The following FAM3A variants were observed in gnomAD, a reference collection of about 807,000 sequenced individuals.
FAM3A encodes protein FAM3A.
FAM3A carries 5 observed loss-of-function variants against 18.1 expected under a neutral mutation model. The ratio of observed to expected loss-of-function variants is 0.28; its 90% CI spans 0.14 to 0.58. The LOEUF is 0.58. FAM3A is among the 20% of genes least tolerant of loss of function. The pLI, the probability that FAM3A is intolerant of heterozygous loss-of-function variation, is 0.91. For synonymous variants in FAM3A, 108 were observed against 90.2 expected, an observed-to-expected ratio of 1.20 and a Z score of -1.12; for missense variants, 154 against 216.6, an observed-to-expected ratio of 0.71 and a Z score of 1.81.
Position 154,510,922 on chromosome X carries a change from G to A in FAM3A, c.151+926C>T, listed in dbSNP as rs1460032436. 6 of 106,094 alleles carry A rather than the reference G, an allele frequency of 5.7e-5. No individual in the cohort carries two copies. The East Asian group carries it at 1.5e-3, about 26-fold the overall frequency. The allele number at this position is 106,094 out of a possible 1,213,427, so 8.7% of individuals were successfully genotyped here. A position where few individuals can be genotyped will look rare whatever the true frequency, so the allele number is the denominator to read the frequency against. On this transcript the variant is annotated intron_variant, in intron 3 of 8. Coordinates refer to ENST00000447601, the MANE Select transcript of FAM3A (RefSeq NM_021806.4). ...AGCCTGGGTGACAGAGCAAGACTCC[G>A]TCTCAAAAAAAAAAAAAAACTTGGT...
At chrX:154,507,632 T>G in intron 6 of FAM3A, 142 bp from the exon 7 acceptor site, 4 of 816,330 alleles carry the variant, frequency 4.9e-6, no homozygotes, top group Middle Eastern at 3.7e-4. Context: ...TGTAGGAAGC[T>G]GAGGCATCCC....
chrX:154,507,014 T>C, intron 8 of FAM3A, 108 bp from the exon 9 acceptor site: 1 of 889,235 alleles, frequency 1.1e-6, no homozygotes, highest in Non-Finnish European at 1.6e-6. Context: ...GCCAACGGTG[T>C]ACTCTCAGGG....
At position 154,507,464 on chromosome X, in the gene FAM3A, G is replaced by A. The variant is rs781901020; in HGVS notation, c.412C>T (p.Arg138Trp). 1.1e-5 allele frequency: 13 copies of A among 1,209,241 alleles called. No individual in the cohort carries two copies. The highest frequency in any genetic ancestry group is 2.2e-5 in the Admixed American group (1 of 45,761). Residue 138 changes from arginine (R) to tryptophan (W), a missense_variant, in exon 7 of 9, where the codon CGG becomes TGG. Coordinates refer to ENST00000447601, the MANE Select transcript of FAM3A (RefSeq NM_021806.4). ...GDVNDLLKFIRPLHEGTLVFV... is the reference protein window; with the variant it reads ...GDVNDLLKFIWPLHEGTLVFV... ...ACCAGGGTGCCTTCGTGCAGTGGCC[G>A]AATAAACTTCAACAGGTCGTTGACA...
chrX:154,509,771 T>A (rs1489303791), intron 3 of FAM3A: 1 of 111,895 alleles, frequency 8.9e-6, no homozygotes, highest in East Asian at 2.8e-4. Context: ...GTGGCATTCA[T>A]CCATTCATGA....
rs147214885 is a variant in FAM3A at position 154,511,785 on chromosome X, C to T, written c.151+63G>A. The T allele has an allele frequency of 2.4e-5, 26 of 1,101,042 alleles. No individual in the cohort carries two copies. In the East Asian group the frequency reaches 5.4e-4, roughly 23 times the overall value. The allele number at this position is 1,101,042 out of a possible 1,213,427, so 90.7% of individuals were successfully genotyped here. A position where few individuals can be genotyped will look rare whatever the true frequency, so the allele number is the denominator to read the frequency against. ...GAATAAATGGAAAACCGAAGCCCTA[C>T]GGGACCGGGGGCAGGCAGGGATGTC... On this transcript the variant is annotated intron_variant, in intron 3 of 8. Transcript: ENST00000447601.
At chrX:154,515,267 A>G (rs111272818) in intron 1 of FAM3A, among the ~76,000 whole-genome samples, 66 of 112,104 alleles carry the variant, frequency 5.9e-4, no homozygotes, top group African/African-American at 1.9e-3. Flanking sequence ...CTCCACCTGG[A>G]TATGTCCACA....
chrX:154,508,061 C>A (rs1557220218), intron 5 of FAM3A, among the ~76,000 whole-genome samples, 200 bp from the exon 6 acceptor site: 2 of 113,004 alleles, frequency 1.8e-5, no homozygotes, highest in Non-Finnish European at 3.8e-5. Context: ...CGGGGGCTCT[C>A]CATGAAGCAC....
chrX:154,514,099 C>T (rs1266615436), intron 1 of FAM3A, among the ~76,000 whole-genome samples: 3 of 110,783 alleles, frequency 2.7e-5, no homozygotes, highest in Non-Finnish European at 5.7e-5. Flanking sequence ...GCTGGCTTTC[C>T]GGACAGCACA....
rs141040279 is a variant in FAM3A at position 154,512,888 on chromosome X, A to C, written c.62T>G (p.Ile21Ser). 2.5e-6 allele frequency: 3 copies of C among 1,211,559 alleles called. No individual in the cohort carries two copies. In the African/African-American group the frequency reaches 5.2e-5, roughly 21 times the overall value. Residue 21 changes from isoleucine to serine, a missense_variant, in exon 2 of 9, where the codon ATC becomes AGC. By Grantham distance (142) the Ile-to-Ser change is moderately radical. Transcript: ENST00000447601. Reference protein sequence around the residue: ...VLVVSVGVTWIVVSILLGGPG... With the variant: ...VLVVSVGVTWSVVSILLGGPG... ...CCCACCCAGGAGGATGCTGACCACG[A>C]TCCATGTGACACCCACACTGACGAC...
Position 154,512,806 on chromosome X carries a change from C to T in FAM3A, c.127+17G>A, listed in dbSNP as rs782074773. ...TGGTGGCCTCCAGAGAAGGATAAGGCGGGGTCCCACACTCACTGGTGAAGA... is the reference window on the plus strand; with the variant it reads ...TGGTGGCCTCCAGAGAAGGATAAGGTGGGGTCCCACACTCACTGGTGAAGA... On this transcript the variant is annotated intron_variant, in intron 2 of 8. Transcript: ENST00000447601. 25 of 1,154,643 alleles carry T rather than the reference C, an allele frequency of 2.2e-5. No individual in the cohort carries two copies. The highest frequency in any genetic ancestry group is 3.6e-5 in the South Asian group (2 of 55,222).
chrX:154,507,793 C>T lies in FAM3A; in HGVS notation c.385+18G>A, dbSNP rs782216439. ...ATTTTGCTGCAGTCAAAATGCAAGA[C>T]GCTGCGCTGCAACTCACCTCCGGCC... On this transcript the variant is annotated intron_variant, in intron 6 of 8. Coordinates refer to ENST00000447601, the MANE Select transcript of FAM3A (RefSeq NM_021806.4). The T allele has an allele frequency of 8.5e-6, 10 of 1,176,737 alleles. No individual in the cohort carries two copies. The African/African-American group carries it at 8.8e-5, about 10-fold the overall frequency.
At position 154,506,624 on chromosome X, in the gene FAM3A, C is replaced by A. The variant is rs1478267760; in HGVS notation, c.*187G>T. The stretch of plus-strand genomic sequence containing the variant: ...TGACAAAGTGCGGCAGGGCTACCCC[C>A]TGCAGCCCCCATAGCCCCCACCACC... On this transcript the variant is annotated 3_prime_UTR_variant, in exon 9 of 9. Transcript: ENST00000447601. The A allele has an allele frequency of 6.8e-6, 3 of 438,061 alleles. No individual in the cohort carries two copies. The highest frequency in any genetic ancestry group is 1.2e-5 in the Non-Finnish European group (3 of 250,679). The allele number at this position is 438,061 out of a possible 1,213,427, so 36.1% of individuals were successfully genotyped here.
Position 154,516,048 on chromosome X carries a change from T to A in FAM3A, c.-276A>T, listed in dbSNP as rs942514216. Reference sequence around the variant, plus strand: ...CTCCGGGGCTGGGACGAAGATGTGGTTCTCCTGGGCTCGGGCCGTTCCTCC... The same window carrying A: ...CTCCGGGGCTGGGACGAAGATGTGGATCTCCTGGGCTCGGGCCGTTCCTCC... On this transcript the variant is annotated 5_prime_UTR_variant, in exon 1 of 9. Transcript: ENST00000447601. 11 of 355,076 alleles carry A rather than the reference T, an allele frequency of 3.1e-5. No individual in the cohort carries two copies. Among genetic ancestry groups the A allele is most frequent in the African/African-American group, 2.6e-4 (10 of 38,052 alleles). The allele number at this position is 355,076 out of a possible 1,213,427, so 29.3% of individuals were successfully genotyped here. A position where few individuals can be genotyped will look rare whatever the true frequency, so the allele number is the denominator to read the frequency against.
rs1462912097 is a variant in FAM3A at position 154,507,981 on chromosome X, TCATC to T, written c.335-124_335-121del. 6.3e-6 allele frequency: 4 copies of T among 634,794 alleles called. No individual in the cohort carries two copies. In the Admixed American group the frequency reaches 1.5e-4, roughly 23 times the overall value. The allele number at this position is 634,794 out of a possible 1,213,427, so 52.3% of individuals were successfully genotyped here. ...AAGCTTTCAAACAGTCCCCCAATATTCATCCATTTGTTCAGGCAGCTGCATCCCA... is the reference window on the plus strand; with the variant it reads ...AAGCTTTCAAACAGTCCCCCAATATTCATTTGTTCAGGCAGCTGCATCCCA... On this transcript the variant is annotated intron_variant, in intron 5 of 8. Transcript: ENST00000447601.
chrX:154,509,449 T>A (rs1569555791), intron 3 of FAM3A: 2 of 113,441 alleles, frequency 1.8e-5, no homozygotes, highest in Non-Finnish European at 3.7e-5. Context: ...TGGATACAGG[T>A]TTTGGCACCA....
At chrX:154,512,751 AGCCTCAACCACAG>A in intron 2 of FAM3A, 59 bp downstream of exon 2, 1 of 742,727 alleles carries the variant, frequency 1.3e-6, no homozygotes, top group Non-Finnish European at 2.1e-6. Flanking sequence ...CCCAACCCAG[AGCCTCAACCACAG>A]GCCCAGGTGG....
At chrX:154,515,011 G>C (rs1257896046) in intron 1 of FAM3A, among the ~76,000 whole-genome samples, 1 of 109,077 alleles carries the variant, frequency 9.2e-6, no homozygotes, top group Non-Finnish European at 1.9e-5. Context: ...GTAGAGATGA[G>C]GATTCACCAT....
Position 154,512,917 on chromosome X carries a change from G to A in FAM3A, c.33C>T (p.Val11=). Residue 11 remains valine (V), a synonymous_variant, in exon 2 of 9, where the codon GTC becomes GTT. Coordinates refer to ENST00000447601, the MANE Select transcript of FAM3A (RefSeq NM_021806.4). Reference sequence around the variant, plus strand: ...ATGTGACACCCACACTGACGACTAGGACCACAATGCGGAGAGGGCCTGGAG... The same window carrying A: ...ATGTGACACCCACACTGACGACTAGAACCACAATGCGGAGAGGGCCTGGAG... MRLAGPLRIV[V]LVVSVGVTWI... 1 of 1,208,816 alleles carries A rather than the reference G, an allele frequency of 8.3e-7. No homozygotes were observed.
intron 5 of FAM3A, 159 bp from the exon 6 acceptor site, chrX:154,508,020 G>A (rs781991041): frequency 1.9e-4 from 100 of 536,245 alleles, no homozygotes; most frequent in Middle Eastern, 5.6e-4. Flanking sequence ...ACCCCAAGCC[G>A]TGGTGCCTCT....
Sources: allele counts gnomAD v4.1 joint callset (sites outside exome capture counted in the v4.1 genomes callset), GRCh38; gene constraint gnomAD v4.1.1; transcripts MANE v1.5; gene names NCBI Gene and HGNC (gene_info 2026-07-23, HGNC 2026-07-21).